CDH2: variants seen among roughly 807,000 people sequenced by gnomAD.
The protein encoded by CDH2 is cadherin 2.
Under a neutral mutation model 92.0 loss-of-function variants are expected in CDH2, and 17 were observed. That is an observed-to-expected ratio of 0.18 (90% CI 0.13 to 0.28). The LOEUF (loss-of-function observed/expected upper bound fraction) is 0.28, where lower values mean the gene tolerates loss of function less well. Ranked by LOEUF, CDH2 falls within the 10% of genes least tolerant of loss-of-function variation. The pLI is 1.00. For synonymous variants in CDH2, 419 were observed against 415.9 expected, an observed-to-expected ratio of 1.01 and a Z score of -0.09; for missense variants, 862 against 1,133.1, an observed-to-expected ratio of 0.76 and a Z score of 3.44.
chr18:27,976,179 A>G (rs2011822958), intron 14 of CDH2, among the ~76,000 whole-genome samples: 1 of 152,134 alleles, frequency 6.6e-6, no homozygotes, highest in Non-Finnish European at 1.5e-5. Context: ...TGGGGCTTTG[A>G]CAAGGACCCG....
At chr18:28,049,772 G>T (rs905129707) in intron 2 of CDH2, among the ~76,000 whole-genome samples, 1 of 152,162 alleles carries the variant, frequency 6.6e-6, no homozygotes, top group African/African-American at 2.4e-5. Context: ...AATTTAACCC[G>T]TATGCAACTA....
chr18:28,071,436 C>G (rs2014616025), intron 2 of CDH2, among the ~76,000 whole-genome samples: 1 of 152,032 alleles, frequency 6.6e-6, no homozygotes, highest in South Asian at 2.1e-4. Context: ...GTAGAGAAGG[C>G]TAGTGGGAGG....
At chr18:28,000,275 T>C (rs1424990161) in intron 7 of CDH2, among the ~76,000 whole-genome samples, 2 of 152,120 alleles carry the variant, frequency 1.3e-5, no homozygotes, top group African/African-American at 4.8e-5. Context: ...CTAATTTTTG[T>C]ATTTTTTGTA....
At chr18:28,155,732 G>A (rs138448441) in intron 1 of CDH2, among the ~76,000 whole-genome samples, 1 of 152,204 alleles carries the variant, frequency 6.6e-6, no homozygotes, top group Non-Finnish European at 1.5e-5. Flanking sequence ...GACACTGTTC[G>A]AGAACATTCA....
intron 2 of CDH2, among the ~76,000 whole-genome samples, chr18:28,040,860 G>A (rs2013934870): frequency 6.6e-6 from 1 of 152,156 alleles, no homozygotes; most frequent in Non-Finnish European, 1.5e-5. Context: ...TTGATTCACT[G>A]ACTGGATGTT....
chr18:27,995,468 T>C (rs1327812276), intron 7 of CDH2, among the ~76,000 whole-genome samples: 2 of 152,142 alleles, frequency 1.3e-5, no homozygotes, highest in African/African-American at 4.8e-5. Context: ...CTGAAAACCA[T>C]GAAAATAAAA....
Position 28,009,764 on chromosome 18 carries a change from G to A in CDH2, c.655C>T (p.Leu219=), listed in dbSNP as rs1370418487. Residue 219 remains leucine (L), a synonymous_variant, in exon 5 of 16, where the codon CTG becomes TTG. Transcript: ENST00000269141. ...CGATCCAGGGGCTTTGTCACCGACA[G>A]CTGACCCGAGATGGGGTTGATAATG... ...IFIINPISGQ[L]SVTKPLDREQ... is the part of the protein sequence containing the mutation. The A allele has an allele frequency of 1.2e-6, 2 of 1,613,896 alleles. No individual in the cohort carries two copies. The highest frequency in any genetic ancestry group is 1.7e-6 in the Non-Finnish European group (2 of 1,179,996).
chr18:28,036,246 A>AT (rs1292255253), intron 2 of CDH2, among the ~76,000 whole-genome samples: 2 of 152,114 alleles, frequency 1.3e-5, no homozygotes, highest in Non-Finnish European at 2.9e-5. Context: ...TGTAACATTC[A>AT]TTTTTTTAAA....
At chr18:28,068,671 T>C (rs1472526544) in intron 2 of CDH2, among the ~76,000 whole-genome samples, 1 of 152,204 alleles carries the variant, frequency 6.6e-6, no homozygotes, top group Non-Finnish European at 1.5e-5. Flanking sequence ...ATAAAAATAA[T>C]AACATTAGCA....
intron 2 of CDH2, among the ~76,000 whole-genome samples, chr18:28,064,371 C>A (rs1236247771): frequency 6.6e-6 from 1 of 151,988 alleles, no homozygotes; most frequent in East Asian, 1.9e-4. Flanking sequence ...TCAAGCAATC[C>A]CCTCTTGCCT....
chr18:28,022,962 A>G (rs1048616826), intron 2 of CDH2, among the ~76,000 whole-genome samples: 1 of 152,148 alleles, frequency 6.6e-6, no homozygotes, highest in Non-Finnish European at 1.5e-5. Flanking sequence ...TTTCAAGTGA[A>G]TAACTCTCCT....
rs566340036 is a variant in CDH2 at position 28,040,374 on chromosome 18, G to A, written c.173-26465C>T. ...CTGACATGGCAGTACTCCAAAAACTGTATGCCAGTGGAGCGAGTTCCATCA... is the reference window on the plus strand; with the variant it reads ...CTGACATGGCAGTACTCCAAAAACTATATGCCAGTGGAGCGAGTTCCATCA... On this transcript the variant is annotated intron_variant, in intron 2 of 15. Coordinates refer to ENST00000269141, the MANE Select transcript of CDH2 (RefSeq NM_001792.5). Among the ~76,000 whole-genome samples, 12 of 152,270 alleles carry A rather than the reference G, an allele frequency of 7.9e-5. 1 individual carries two copies. In the South Asian group the frequency reaches 2.1e-3, roughly 26 times the overall value.
chr18:28,020,706 C>T (rs553693152), intron 2 of CDH2, among the ~76,000 whole-genome samples: 48 of 152,008 alleles, frequency 3.2e-4, no homozygotes, highest in African/African-American at 1.1e-3. Context: ...AGGAGTGAAA[C>T]TATTCTGTAT....
At chr18:28,094,076 G>A (rs1222102818) in intron 2 of CDH2, among the ~76,000 whole-genome samples, 6 of 152,148 alleles carry the variant, frequency 3.9e-5, no homozygotes, top group African/African-American at 9.7e-5. Flanking sequence ...TCACATTTAG[G>A]AGAAAATATA....
chr18:27,998,414 A>G (rs1364416347), intron 7 of CDH2, among the ~76,000 whole-genome samples: 2 of 152,146 alleles, frequency 1.3e-5, no homozygotes, highest in Non-Finnish European at 2.9e-5. Context: ...GGAGCTTGCC[A>G]TGGACACCCA....
intron 2 of CDH2, among the ~76,000 whole-genome samples, chr18:28,079,852 G>T (rs1341884739): frequency 6.6e-6 from 1 of 152,044 alleles, no homozygotes. Flanking sequence ...GTGACCATAG[G>T]GACTTAACTG....
rs189253221 is a variant in CDH2, at chr18:28,055,379, T to C, written c.173-41470A>G. ...CCAATCCATATCACTAGGCTTATTA[T>C]GCCTTTGTCTCAGAAAATAATGGTA... On this transcript the variant is annotated intron_variant, in intron 2 of 15. Transcript: ENST00000269141. Among the ~76,000 whole-genome samples the C allele has an allele frequency of 2.3e-3, 354 of 152,292 alleles. 3 individuals carry two copies. Among genetic ancestry groups the C allele is most frequent in the African/African-American group, 8.2e-3 (339 of 41,570 alleles).
intron 14 of CDH2, among the ~76,000 whole-genome samples, chr18:27,965,422 T>C (rs2011510201): frequency 6.6e-6 from 1 of 152,192 alleles, no homozygotes; most frequent in East Asian, 1.9e-4. Flanking sequence ...AACTATAAAA[T>C]GTTCAGGGGG....
chr18:28,013,332 C>G (rs1274684937), intron 3 of CDH2, among the ~76,000 whole-genome samples: 1 of 152,134 alleles, frequency 6.6e-6, no homozygotes, highest in African/African-American at 2.4e-5. Flanking sequence ...CTGTACTTCT[C>G]ATCTAATAAA....
Sources: gnomAD v4.1 joint callset for allele counts (sites outside exome capture counted in the v4.1 genomes callset) on GRCh38, gnomAD v4.1.1 for gene constraint, MANE v1.5 for transcripts, NCBI Gene and HGNC (gene_info 2026-07-23, HGNC 2026-07-21) for gene names.